HORMAD2: variants seen among roughly 807,000 people sequenced by gnomAD.
The protein encoded by HORMAD2 is HORMA domain-containing protein 2.
A neutral mutation model predicts 38.8 loss-of-function variants in HORMAD2; 45 were observed. That is an observed-to-expected ratio of 1.16 (90% CI 0.91 to 1.49). HORMAD2 has a LOEUF of 1.49. HORMAD2 is among the 40% of genes most tolerant of loss of function. HORMAD2 has a pLI of 0.00. For missense variants in HORMAD2, 338 were observed against 367.0 expected (o/e 0.92, Z 0.65); for synonymous variants, 126 against 122.8 (o/e 1.03, Z -0.17).
chr22:30,159,372 T>C (rs1240541868), intron 10 of HORMAD2, among the ~76,000 whole-genome samples: 4 of 152,228 alleles, frequency 2.6e-5, no homozygotes, highest in Admixed American at 6.5e-5. Context: ...AATATGTATA[T>C]TATGTCATGC....
chr22:30,165,621 T>A (rs1490808595), intron 10 of HORMAD2, among the ~76,000 whole-genome samples: 1 of 152,092 alleles, frequency 6.6e-6, no homozygotes, highest in Non-Finnish European at 1.5e-5. Flanking sequence ...TTATAAATAA[T>A]TTTTTTCTAT....
chr22:30,117,230 C>T (rs1922109015), intron 7 of HORMAD2, among the ~76,000 whole-genome samples: 2 of 152,108 alleles, frequency 1.3e-5, no homozygotes, highest in Admixed American at 1.3e-4. Flanking sequence ...AACACTGAGA[C>T]TTTTTCTGAT....
At chr22:30,194,554 G>A in the HORMAD2 span, among the ~76,000 whole-genome samples, 1 of 152,160 alleles carries the variant, frequency 6.6e-6, no homozygotes, top group African/African-American at 2.4e-5. Flanking sequence ...AGTATCAGAG[G>A]CTTCTCCCTA....
intron 10 of HORMAD2, among the ~76,000 whole-genome samples, chr22:30,159,041 C>A (rs1483232457): frequency 6.6e-6 from 1 of 152,142 alleles, no homozygotes; most frequent in Non-Finnish European, 1.5e-5. Context: ...TTTTAAAATT[C>A]TTTTATATGA....
chr22:30,184,263 A>G, the HORMAD2 span, among the ~76,000 whole-genome samples: 31,368 of 152,212 alleles, frequency 0.21, 3,756 homozygotes, highest in Middle Eastern at 0.38. Context: ...ACTTCCCAGC[A>G]TAATGAAATG....
At chr22:30,144,100 A>T (rs937438744) in intron 10 of HORMAD2, among the ~76,000 whole-genome samples, 6 of 152,192 alleles carry the variant, frequency 3.9e-5, no homozygotes, top group Admixed American at 3.9e-4. Flanking sequence ...GAACAGCCTA[A>T]TACAGCGGTT....
In HORMAD2 at chr22:30,124,957, A is replaced by G. The variant is rs1427313065; in HGVS notation, c.819+2743A>G. Among the ~76,000 whole-genome samples the G allele has an allele frequency of 3.9e-4, 60 of 152,148 alleles. 2 individuals carry two copies. Among genetic ancestry groups the G allele is most frequent in the Admixed American group, 3.9e-3 (60 of 15,264 alleles). On this transcript the variant is annotated intron_variant, in intron 10 of 10. Transcript: ENST00000336726. ...GGTTTATGTTTCCTGCCAGTCTGCTAGATATGAAATGGTAATGCCTCATGA... is the reference window on the plus strand; with the variant it reads ...GGTTTATGTTTCCTGCCAGTCTGCTGGATATGAAATGGTAATGCCTCATGA...
rs112917731 is a variant in HORMAD2, at chr22:30,082,742, T to C, written c.-38+2251T>C. ...CCAGAAGTTTGAGGTTGCAATGAGC[T>C]GTGATTATGCCAGCCTAGGTGACAG... is the stretch of plus-strand genomic sequence containing the variant. On this transcript the variant is annotated intron_variant, in intron 1 of 10. Transcript: ENST00000336726. 4.8e-3 allele frequency among the ~76,000 whole-genome samples: 704 copies of C among 145,218 alleles called. 7 individuals are homozygous for C. Among genetic ancestry groups the C allele is most frequent in the African/African-American group, 0.017 (660 of 39,130 alleles).
chr22:30,078,607 C>CAAAAAAAAAAAAAAAAAAA (rs55966787), upstream of HORMAD2, among the ~76,000 whole-genome samples: 7 of 28,106 alleles, frequency 2.5e-4, no homozygotes, highest in Non-Finnish European at 3.0e-4. Flanking sequence ...CTCTGTCTCA[C>CAAAAAAAAAAAAAAAAAAA]AAAAAAAAAA....
chr22:30,199,038 G>A, the HORMAD2 span, among the ~76,000 whole-genome samples: 1 of 152,180 alleles, frequency 6.6e-6, no homozygotes, highest in Non-Finnish European at 1.5e-5. Flanking sequence ...ACAGAGCTTG[G>A]CACACCACAG....
chr22:30,172,451 C>A (rs1396563107), intron 10 of HORMAD2, among the ~76,000 whole-genome samples: 1 of 152,310 alleles, frequency 6.6e-6, no homozygotes, highest in African/African-American at 2.4e-5. Flanking sequence ...ACTATGTCTC[C>A]TTGATCTTTG....
the HORMAD2 span, among the ~76,000 whole-genome samples, chr22:30,198,158 C>T: frequency 0.01 from 1,540 of 152,114 alleles, 17 homozygotes; most frequent in Middle Eastern, 0.037. Context: ...CACCCCAGCC[C>T]GGGCAACACT....
chr22:30,143,226 A>T (rs117950143), intron 10 of HORMAD2, among the ~76,000 whole-genome samples: 1 of 152,244 alleles, frequency 6.6e-6, no homozygotes, highest in Non-Finnish European at 1.5e-5. Flanking sequence ...GTGCATTTAC[A>T]TTGCCTTTTA....
At chr22:30,206,995 A>G in the HORMAD2 span, 1 of 458,502 alleles carries the variant, frequency 2.2e-6, no homozygotes, top group African/African-American at 2.0e-5. Context: ...GGACTTCGGC[A>G]GAGACAGAGC....
intron 2 of HORMAD2, 132 bp from the exon 3 acceptor site, chr22:30,098,720 T>A: frequency 1.5e-6 from 1 of 683,658 alleles, no homozygotes; most frequent in Admixed American, 3.4e-5. Context: ...AAGCGCTATT[T>A]CTTTTTGATT....
intron 10 of HORMAD2, among the ~76,000 whole-genome samples, chr22:30,150,428 C>T (rs1223869781): frequency 6.6e-6 from 1 of 152,096 alleles, no homozygotes; most frequent in Non-Finnish European, 1.5e-5. Flanking sequence ...TTAATTATCT[C>T]TATATAGAGT....
At chr22:30,189,499 C>T in the HORMAD2 span, among the ~76,000 whole-genome samples, 2 of 152,048 alleles carry the variant, frequency 1.3e-5, no homozygotes, top group African/African-American at 4.8e-5. Context: ...TGAAGTTTCA[C>T]CATTATCTCC....
chr22:30,187,604 G>A, the HORMAD2 span, among the ~76,000 whole-genome samples: 2 of 151,158 alleles, frequency 1.3e-5, no homozygotes, highest in African/African-American at 2.4e-5. Flanking sequence ...TGATTTGATT[G>A]AACATTCAGA....
chr22:30,120,501 T>C (rs146377299), intron 8 of HORMAD2, among the ~76,000 whole-genome samples: 1 of 152,344 alleles, frequency 6.6e-6, no homozygotes, highest in Non-Finnish European at 1.5e-5. Context: ...CACAGCCATG[T>C]GTAAATATAT....
Sources: allele counts gnomAD v4.1 joint callset (sites outside exome capture counted in the v4.1 genomes callset), GRCh38; gene constraint gnomAD v4.1.1; transcripts MANE v1.5; gene names NCBI Gene and HGNC (gene_info 2026-07-23, HGNC 2026-07-21).